NOVA1: variants seen among roughly 807,000 people sequenced by gnomAD.
NOVA1 encodes the protein RNA-binding protein Nova-1.
In NOVA1, 7 loss-of-function variants were observed where a neutral mutation model predicts 38.0. The observed-to-expected ratio is 0.18, with a 90% CI of 0.10 to 0.35. The LOEUF (loss-of-function observed/expected upper bound fraction) is 0.35, where lower values mean the gene tolerates loss of function less well. NOVA1 is among the 10% of genes least tolerant of loss of function. The pLI, the probability that NOVA1 is intolerant of heterozygous loss-of-function variation, is 1.00. For synonymous variants in NOVA1, 270 were observed against 232.5 expected (o/e 1.16, Z -1.47); for missense variants, 460 against 616.0 (o/e 0.75, Z 2.68).
intron 2 of NOVA1, among the ~76,000 whole-genome samples, chr14:26,528,899 GA>G (rs1472457707): frequency 1.3e-5 from 2 of 152,138 alleles, no homozygotes; most frequent in Non-Finnish European, 2.9e-5. Flanking sequence ...CAGTGGTGAT[GA>G]AAAGTCTAGG....
At chr14:26,554,815 T>C (rs898748988) in intron 2 of NOVA1, among the ~76,000 whole-genome samples, 4 of 152,180 alleles carry the variant, frequency 2.6e-5, no homozygotes, top group African/African-American at 9.6e-5. Flanking sequence ...CACATTCTTA[T>C]TTATTATTCT....
In NOVA1 at chr14:26,448,650, A is replaced by G; in HGVS notation, c.833T>C (p.Val278Ala). The G allele has an allele frequency of 6.2e-7, 1 of 1,614,182 alleles. No homozygotes were observed. The highest frequency in any genetic ancestry group is 1.3e-5 in the African/African-American group (1 of 75,050). ...TGSPYANTAE[V>A]LPTAAAAAGL... ...TGCAGCTGCTGCAGCAGTTGGTAAC[A>G]CTTCAGCAGTGTTTGCATAAGGAGA... is the stretch of plus-strand genomic sequence containing the variant. The change falls in exon 5 of 5, where the codon GTG becomes GCG. Residue 278 changes from valine (V) to alanine (A), a missense_variant. Coordinates refer to ENST00000539517, the MANE Select transcript of NOVA1 (RefSeq NM_002515.3). This position sits in a 1 kb window ranked among gnomAD's most constrained non-coding sequence, Gnocchi z 5.3.
intron 2 of NOVA1, among the ~76,000 whole-genome samples, chr14:26,573,060 G>A (rs75814091): frequency 3.9e-5 from 6 of 151,992 alleles, no homozygotes; most frequent in South Asian, 2.1e-4. Flanking sequence ...GGACAGAATC[G>A]AATGTAACCC....
At chr14:26,580,493 C>A (rs924713312) in intron 2 of NOVA1, among the ~76,000 whole-genome samples, 7 of 152,126 alleles carry the variant, frequency 4.6e-5, no homozygotes, top group African/African-American at 1.4e-4. Flanking sequence ...AAAAAAAGCT[C>A]TGCATATCTT....
chr14:26,526,281 G>A (rs1889292440), intron 2 of NOVA1, among the ~76,000 whole-genome samples: 1 of 152,034 alleles, frequency 6.6e-6, no homozygotes, highest in African/African-American at 2.4e-5. Context: ...GACTAACATG[G>A]TTCTGTTTTT....
At chr14:26,476,105 T>C (rs1219624050) in intron 3 of NOVA1, among the ~76,000 whole-genome samples, 1 of 152,220 alleles carries the variant, frequency 6.6e-6, no homozygotes, top group African/African-American at 2.4e-5. Context: ...ATACATACTG[T>C]ACCAAAATGA....
chr14:26,587,518 C>T (rs1410014434), intron 2 of NOVA1, among the ~76,000 whole-genome samples: 1 of 151,132 alleles, frequency 6.6e-6, no homozygotes, highest in Non-Finnish European at 1.5e-5. Context: ...TCCAGGCAGA[C>T]TTCACACTTA....
At chr14:26,528,532 A>G (rs178175) in intron 2 of NOVA1, among the ~76,000 whole-genome samples, 144,939 of 152,120 alleles carry the variant, frequency 0.95, 69,415 homozygotes, top group East Asian at 1. Context: ...ACACATGGCT[A>G]TGGGAAGACA....
chr14:26,456,753 G>A (rs1393047258), intron 4 of NOVA1, among the ~76,000 whole-genome samples: 1 of 151,648 alleles, frequency 6.6e-6, no homozygotes, highest in South Asian at 2.1e-4. Context: ...CAAAACAGAG[G>A]ACATTGTACA....
At chr14:26,535,143 G>A (rs1208082165) in intron 2 of NOVA1, among the ~76,000 whole-genome samples, 2 of 152,006 alleles carry the variant, frequency 1.3e-5, no homozygotes, top group African/African-American at 2.4e-5. Context: ...AGAGCAACCA[G>A]GAATAATATT....
At chr14:26,501,459 C>T (rs1887235603) in intron 2 of NOVA1, among the ~76,000 whole-genome samples, 1 of 151,800 alleles carries the variant, frequency 6.6e-6, no homozygotes, top group Non-Finnish European at 1.5e-5. Context: ...GGTATACAGA[C>T]AAGCTATTAT....
intron 2 of NOVA1, among the ~76,000 whole-genome samples, chr14:26,558,370 A>G (rs897800938): frequency 1.3e-5 from 2 of 152,170 alleles, no homozygotes; most frequent in Admixed American, 6.5e-5. Flanking sequence ...GTAGTTAATA[A>G]TAAGTTGTTA....
chr14:26,586,000 C>T (rs552254208), intron 2 of NOVA1, among the ~76,000 whole-genome samples: 5 of 151,454 alleles, frequency 3.3e-5, no homozygotes, highest in African/African-American at 9.6e-5. Context: ...ATGGTTCATT[C>T]AGTCATTCAT....
At chr14:26,490,514 T>A (rs1456916560) in intron 2 of NOVA1, among the ~76,000 whole-genome samples, 3 of 152,208 alleles carry the variant, frequency 2.0e-5, no homozygotes, top group Non-Finnish European at 4.4e-5. Context: ...TATTATTATT[T>A]TTTAGTAATA....
chr14:26,465,417 C>T (rs184989205), intron 4 of NOVA1, among the ~76,000 whole-genome samples: 5 of 152,244 alleles, frequency 3.3e-5, no homozygotes, highest in African/African-American at 9.6e-5. Context: ...GTGATCCACT[C>T]GCCTCGGCCT....
At chr14:26,479,900 C>A in intron 3 of NOVA1, 77 bp downstream of exon 3, 1 of 1,462,286 alleles carries the variant, frequency 6.8e-7, no homozygotes, top group African/African-American at 1.4e-5. Context: ...TTTATGCTAA[C>A]ACTTTAAGGC....
intron 2 of NOVA1, among the ~76,000 whole-genome samples, chr14:26,548,319 TA>T (rs1890937195): frequency 6.6e-6 from 1 of 152,030 alleles, no homozygotes; most frequent in Non-Finnish European, 1.5e-5. Context: ...ATTTTACAAG[TA>T]AACAAACTGT....
chr14:26,456,071 C>A (rs570801356), intron 4 of NOVA1, among the ~76,000 whole-genome samples: 1 of 151,760 alleles, frequency 6.6e-6, no homozygotes, highest in South Asian at 2.1e-4. Flanking sequence ...TCTTTCAGGG[C>A]ACATATAGTA....
chr14:26,595,272 C>T (rs1400747221), intron 2 of NOVA1, 138 bp downstream of exon 2: 10 of 761,356 alleles, frequency 1.3e-5, no homozygotes, highest in Non-Finnish European at 1.8e-5. Context: ...AATTTTTCCA[C>T]AATATATTCC....
Sources: allele counts gnomAD v4.1 joint callset (sites outside exome capture counted in the v4.1 genomes callset), GRCh38; gene constraint gnomAD v4.1.1; non-coding constraint Gnocchi (gnomAD v3.1); transcripts MANE v1.5; gene names NCBI Gene and HGNC (gene_info 2026-07-23, HGNC 2026-07-21).